Variants in ZDHHC2 observed in about 807,000 individuals in gnomAD.
ZDHHC2 encodes the protein palmitoyltransferase ZDHHC2.
Under a neutral mutation model 55.6 loss-of-function variants are expected in ZDHHC2, and 51 were observed. The observed-to-expected ratio is 0.92, with a 90% CI of 0.73 to 1.16. ZDHHC2 has a LOEUF of 1.16. Ranked by LOEUF, ZDHHC2 falls within the 50% of genes most tolerant of loss-of-function variation. The pLI, the probability that ZDHHC2 is intolerant of heterozygous loss-of-function variation, is 0.00. For missense variants in ZDHHC2, 491 were observed against 442.4 expected (o/e 1.11, Z -0.99); for synonymous variants, 199 against 152.9 (o/e 1.30, Z -2.22).
intron 10 of ZDHHC2, among the ~76,000 whole-genome samples, chr8:17,213,439 A>G (rs972290878): frequency 6.6e-6 from 1 of 151,966 alleles, no homozygotes; most frequent in Admixed American, 6.6e-5. Flanking sequence ...TTTAGGAGAG[A>G]TGGGGTATCA....
At chr8:17,183,129 G>T (rs1805521536) in intron 1 of ZDHHC2, among the ~76,000 whole-genome samples, 1 of 152,150 alleles carries the variant, frequency 6.6e-6, no homozygotes, top group South Asian at 2.1e-4. Flanking sequence ...CGAGTCAGTG[G>T]AGTAGCAAAC....
chr8:17,218,610 A>T (rs189982619), intron 12 of ZDHHC2, among the ~76,000 whole-genome samples: 67 of 152,316 alleles, frequency 4.4e-4, no homozygotes, highest in Non-Finnish European at 7.9e-4. Flanking sequence ...GTTTCTCAAC[A>T]TTTGATGGAT....
intron 6 of ZDHHC2, among the ~76,000 whole-genome samples, chr8:17,199,540 G>T (rs1375518228): frequency 2.1e-3 from 25 of 12,112 alleles, no homozygotes; most frequent in South Asian, 0.02. Flanking sequence ...TTCTGTCTTC[G>T]TCTTCTGTCT....
chr8:17,210,962 A>C (rs1456752194), intron 10 of ZDHHC2, among the ~76,000 whole-genome samples: 3 of 152,112 alleles, frequency 2.0e-5, no homozygotes, highest in Non-Finnish European at 2.9e-5. Flanking sequence ...GTGCCCTTGG[A>C]AGACCTCTAA....
chr8:17,216,272 G>A (rs1256929315), intron 11 of ZDHHC2, among the ~76,000 whole-genome samples: 1 of 152,206 alleles, frequency 6.6e-6, no homozygotes, highest in East Asian at 1.9e-4. Context: ...CTGGGATTTA[G>A]TGGTAGCGAA....
At chr8:17,180,903 C>T (rs1200999128) in intron 1 of ZDHHC2, among the ~76,000 whole-genome samples, 4 of 152,192 alleles carry the variant, frequency 2.6e-5, no homozygotes, top group African/African-American at 7.2e-5. Flanking sequence ...ACCCTGTGAA[C>T]TTATAGACCC....
intron 9 of ZDHHC2, 74 bp from the exon 10 acceptor site, chr8:17,210,314 C>T (rs1448480803): frequency 2.1e-6 from 3 of 1,436,848 alleles, no homozygotes; most frequent in Admixed American, 2.0e-5. Context: ...TGCTCTCGGA[C>T]ATCAGCATTT....
rs1554466228 is a variant in ZDHHC2 at position 17,199,612 on chromosome 8, C to CTTCTTCCT, written c.476+1205_476+1206insCTTTCTTC. The stretch of plus-strand genomic sequence containing the variant: ...TCTTTCTTCTTCTTTATTCTTTCTT[C>CTTCTTCCT]TTCTTCTTCTTCCTTTCTTCTTCTT... On this transcript the variant is annotated intron_variant, in intron 6 of 12. Transcript: ENST00000262096. Among the ~76,000 whole-genome samples the CTTCTTCCT allele has an allele frequency of 1.5e-3, 105 of 68,916 alleles. 2 individuals are homozygous for CTTCTTCCT. The highest frequency in any genetic ancestry group is 7.9e-3 in the Middle Eastern group (1 of 126). The allele number at this position is 68,916 out of a possible 152,430, so 45.2% of individuals were successfully genotyped here. A position where few individuals can be genotyped will look rare whatever the true frequency, so the allele number is the denominator to read the frequency against.
intron 11 of ZDHHC2, 135 bp downstream of exon 11, chr8:17,215,484 T>G: frequency 1.3e-6 from 1 of 755,152 alleles, no homozygotes; most frequent in South Asian, 1.7e-5. Context: ...AATTCAGAAT[T>G]ATTTTCAAAG....
chr8:17,192,513 C>A (rs543165847), intron 3 of ZDHHC2, among the ~76,000 whole-genome samples: 1 of 152,192 alleles, frequency 6.6e-6, no homozygotes, highest in African/African-American at 2.4e-5. Context: ...CTTATACATT[C>A]TGGATATTAA....
intron 11 of ZDHHC2, 81 bp from the exon 12 acceptor site, chr8:17,217,089 TTC>T: frequency 7.3e-7 from 1 of 1,366,168 alleles, no homozygotes; most frequent in Non-Finnish European, 1.0e-6. Context: ...TACCAAGGGA[TTC>T]CTTATTCATA....
intron 6 of ZDHHC2, among the ~76,000 whole-genome samples, chr8:17,201,211 A>G (rs1390296685): frequency 6.6e-6 from 1 of 152,134 alleles, no homozygotes; most frequent in Non-Finnish European, 1.5e-5. Context: ...TGTTAACGTC[A>G]TGGCACTTTT....
chr8:17,171,579 G>T (rs1001561938), intron 1 of ZDHHC2, among the ~76,000 whole-genome samples: 1 of 152,026 alleles, frequency 6.6e-6, no homozygotes, highest in African/African-American at 2.4e-5. Context: ...AACATTCCGT[G>T]AATGTTTACC....
At chr8:17,210,165 A>G (rs1585735440) in intron 9 of ZDHHC2, 107 bp downstream of exon 9, 1 of 1,312,258 alleles carries the variant, frequency 7.6e-7, no homozygotes. Flanking sequence ...TCTGTGTAGG[A>G]ACTCTTATTT....
At chr8:17,203,815 T>C (rs542142145) in intron 6 of ZDHHC2, among the ~76,000 whole-genome samples, 16 of 149,804 alleles carry the variant, frequency 1.1e-4, no homozygotes, top group African/African-American at 3.6e-4. Flanking sequence ...TTTTCTTTTT[T>C]TTTTTTTTTT....
At chr8:17,199,300 T>A (rs1464164130) in intron 6 of ZDHHC2, among the ~76,000 whole-genome samples, 1 of 152,190 alleles carries the variant, frequency 6.6e-6, no homozygotes. Context: ...GCGTTCAGGC[T>A]AGTCAACCCA....
intron 4 of ZDHHC2, among the ~76,000 whole-genome samples, chr8:17,196,189 A>G (rs1191503694): frequency 1.3e-5 from 2 of 152,140 alleles, no homozygotes; most frequent in Non-Finnish European, 2.9e-5. Flanking sequence ...CAGTTGTCTT[A>G]AAACTGATGT....
chr8:17,197,701 C>T, intron 5 of ZDHHC2, 50 bp downstream of exon 5: 3 of 1,518,168 alleles, frequency 2.0e-6, no homozygotes, highest in Non-Finnish European at 2.7e-6. Flanking sequence ...TGGTCTTTTT[C>T]TTCATTATGT....
At chr8:17,207,722 A>C (rs1037780652) in intron 7 of ZDHHC2, among the ~76,000 whole-genome samples, 1 of 141,520 alleles carries the variant, frequency 7.1e-6, no homozygotes, top group Non-Finnish European at 1.6e-5. Context: ...GTTATGAAAA[A>C]CACAGTTTAT....
Sources: gnomAD v4.1 joint callset for allele counts (sites outside exome capture counted in the v4.1 genomes callset) on GRCh38, gnomAD v4.1.1 for gene constraint, MANE v1.5 for transcripts, NCBI Gene and HGNC (gene_info 2026-07-23, HGNC 2026-07-21) for gene names.